Variants in BCL11A observed in about 807,000 individuals in gnomAD.
BCL11A encodes the protein B cell CLL/lymphoma 11A.
A neutral mutation model predicts 55.9 loss-of-function variants in BCL11A; 2 were observed. The observed-to-expected ratio is 0.04, with a 90% CI of 0.01 to 0.11. BCL11A has a LOEUF of 0.11. Ranked by LOEUF, BCL11A falls within the 10% of genes least tolerant of loss-of-function variation. The pLI is 1.00. For missense variants in BCL11A, 817 were observed against 1,137.1 expected, an observed-to-expected ratio of 0.72 and a Z score of 4.05; for synonymous variants, 465 against 473.4, an observed-to-expected ratio of 0.98 and a Z score of 0.23.
chr2:60,518,709 T>C (rs185869408), intron 2 of BCL11A, among the ~76,000 whole-genome samples: 1 of 152,292 alleles, frequency 6.6e-6, no homozygotes, highest in Admixed American at 6.5e-5. Flanking sequence ...CAGAGTTCAC[T>C]TAAAAGTCCA....
At chr2:60,542,006 AC>A (rs1669945798) in intron 2 of BCL11A, 1 of 663,408 alleles carries the variant, frequency 1.5e-6, no homozygotes, top group Non-Finnish European at 2.7e-6. Flanking sequence ...TATTTGATTT[AC>A]TTTTAAGAGC....
intron 2 of BCL11A, chr2:60,499,870 C>A (rs1679182094): frequency 6.6e-6 from 1 of 152,470 alleles, no homozygotes; most frequent in Non-Finnish European, 1.5e-5. Context: ...ACCTCAAGCC[C>A]CATGTGCAGC....
intron 2 of BCL11A, among the ~76,000 whole-genome samples, chr2:60,500,706 G>T (rs1679231975): frequency 6.6e-6 from 1 of 152,142 alleles, no homozygotes; most frequent in Non-Finnish European, 1.5e-5. Flanking sequence ...ATCAAACCTG[G>T]AACTCACAGT....
At chr2:60,456,847 T>A (rs1438425312), downstream of BCL11A, among the ~76,000 whole-genome samples, 1 of 152,042 alleles carries the variant, frequency 6.6e-6, no homozygotes, top group Non-Finnish European at 1.5e-5. Flanking sequence ...CAGCAAAAAA[T>A]TTAAAGGAAA....
intron 2 of BCL11A, among the ~76,000 whole-genome samples, chr2:60,505,104 A>G (rs545290674): frequency 1.7e-4 from 26 of 152,108 alleles, no homozygotes; most frequent in South Asian, 4.1e-4. Flanking sequence ...GTTACTCATG[A>G]GGTGAGTCTC....
chr2:60,466,511 C>G (rs1676623193), intron 3 of BCL11A, among the ~76,000 whole-genome samples: 1 of 151,956 alleles, frequency 6.6e-6, no homozygotes, highest in African/African-American at 2.4e-5. Context: ...AGATGAGGTG[C>G]TTTTAACCCC....
At chr2:60,521,292 C>T (rs1277394804) in intron 2 of BCL11A, among the ~76,000 whole-genome samples, 1 of 152,250 alleles carries the variant, frequency 6.6e-6, no homozygotes, top group Non-Finnish European at 1.5e-5. Flanking sequence ...AACTGAGTGA[C>T]ACTTGCTAAT....
intron 2 of BCL11A, among the ~76,000 whole-genome samples, chr2:60,520,539 TAAG>T (rs1025840736): frequency 6.6e-6 from 1 of 152,226 alleles, no homozygotes; most frequent in African/African-American, 2.4e-5. Context: ...ATTCCGTTTA[TAAG>T]AAGGAGAAAT....
chr2:60,506,053 C>T (rs1337204694), intron 2 of BCL11A, among the ~76,000 whole-genome samples: 4 of 152,128 alleles, frequency 2.6e-5, no homozygotes, highest in South Asian at 2.1e-4. Context: ...CCAGATGGTG[C>T]GAGAAGATAG....
chr2:60,511,284 C>CTAAAA (rs1679971832), intron 2 of BCL11A, among the ~76,000 whole-genome samples: 1 of 152,336 alleles, frequency 6.6e-6, no homozygotes, highest in Middle Eastern at 3.4e-3. Flanking sequence ...GCCAGAAAAG[C>CTAAAA]TAAAATACCC....
chr2:60,450,523 G>A (rs139334764), downstream of BCL11A: 67 of 152,284 alleles, frequency 4.4e-4, no homozygotes, highest in East Asian at 0.011. Flanking sequence ...TTCAGTTCTG[G>A]CCTCCCTTTG....
chr2:60,478,422 C>T (rs745966622), intron 2 of BCL11A, among the ~76,000 whole-genome samples: 6 of 152,244 alleles, frequency 3.9e-5, no homozygotes, highest in Non-Finnish European at 7.3e-5. Context: ...ACTGGTCATA[C>T]AGCCCCTTTC....
chr2:60,518,396 A>G (rs1216372750), intron 2 of BCL11A, among the ~76,000 whole-genome samples: 1 of 152,228 alleles, frequency 6.6e-6, no homozygotes, highest in Non-Finnish European at 1.5e-5. Flanking sequence ...TAGTACTAAC[A>G]TTTAATTTAG....
chr2:60,451,295 G>T, exon 5 of BCL11A: 1 of 226,854 alleles, frequency 4.4e-6, no homozygotes, highest in East Asian at 6.3e-5. Context: ...TTAGGTTCAC[G>T]GCCTGTATGT....
intron 2 of BCL11A, among the ~76,000 whole-genome samples, chr2:60,511,327 A>G (rs1019173898): frequency 6.6e-6 from 1 of 152,240 alleles, no homozygotes; most frequent in African/African-American, 2.4e-5. Flanking sequence ...TGACAGGTGA[A>G]TAAGTGCTCC....
At chr2:60,490,646 T>G (rs1400144030) in intron 2 of BCL11A, among the ~76,000 whole-genome samples, 1 of 152,208 alleles carries the variant, frequency 6.6e-6, no homozygotes, top group Non-Finnish European at 1.5e-5. Context: ...TATCTAGGCC[T>G]TACATTGCTG....
chr2:60,476,645 T>A (rs917803657), intron 2 of BCL11A, among the ~76,000 whole-genome samples: 2 of 152,248 alleles, frequency 1.3e-5, no homozygotes, highest in Admixed American at 6.5e-5. Flanking sequence ...ATTTCAGAGA[T>A]GTTTCGTCAC....
At chr2:60,509,742 A>AAG (rs1679878202) in intron 2 of BCL11A, among the ~76,000 whole-genome samples, 1 of 152,106 alleles carries the variant, frequency 6.6e-6, no homozygotes, top group Non-Finnish European at 1.5e-5. Flanking sequence ...AGCTATAGGC[A>AAG]GTCAACTGGG....
chr2:60,509,380 G>C (rs543116184), intron 2 of BCL11A, among the ~76,000 whole-genome samples: 1 of 152,340 alleles, frequency 6.6e-6, no homozygotes, highest in African/African-American at 2.4e-5. Flanking sequence ...GAAATTCCAA[G>C]CCAGGGGCTA....
Sources: gnomAD v4.1 joint callset for allele counts (sites outside exome capture counted in the v4.1 genomes callset) on GRCh38, gnomAD v4.1.1 for gene constraint, MANE v1.5 for transcripts, NCBI Gene and HGNC (gene_info 2026-07-23, HGNC 2026-07-21) for gene names.